The following NCSTN variants were observed in gnomAD, a reference collection of about 807,000 sequenced individuals.
NCSTN encodes nicastrin, also known as anterior pharynx-defective 2.
In NCSTN, 22 loss-of-function variants were observed where a neutral mutation model predicts 87.0. That is an observed-to-expected ratio of 0.25 (90% CI 0.18 to 0.36). NCSTN has a LOEUF of 0.36. NCSTN is among the 10% of genes least tolerant of loss of function. The probability of loss-of-function intolerance (pLI) is 1.00; values close to 1 mark genes in which losing one functional copy is unlikely to be tolerated. For missense variants in NCSTN, 693 were observed against 883.3 expected (o/e 0.78, Z 2.73); for synonymous variants, 306 against 327.1 (o/e 0.94, Z 0.69).
intron 11 of NCSTN, 21 bp downstream of exon 11, chr1:160,354,311 C>T (rs371949644): frequency 6.2e-6 from 10 of 1,609,314 alleles, no homozygotes; most frequent in Non-Finnish European, 8.5e-6. Flanking sequence ...CTTGGCCCTG[C>T]ACCCTCTTCA....
rs201978265 is a variant in NCSTN, at chr1:160,355,641, G to A, written c.1353-14G>A. 3.4e-5 allele frequency: 55 copies of A among 1,599,694 alleles called. 1 individual carries two copies. The South Asian group carries it at 5.5e-4, about 16-fold the overall frequency. On this transcript the variant is annotated splice_polypyrimidine_tract_variant and intron_variant, in intron 11 of 16. Transcript: ENST00000294785. ...GCTAAATGTAGCCAAGGCTCATGCCGGCTTTCCTGGCAGATATTACCAGAG... is the reference window on the plus strand; with the variant it reads ...GCTAAATGTAGCCAAGGCTCATGCCAGCTTTCCTGGCAGATATTACCAGAG...
At chr1:160,351,876 A>G (rs969420360) in intron 7 of NCSTN, 71 bp downstream of exon 7, 2 of 1,480,420 alleles carry the variant, frequency 1.4e-6, no homozygotes, top group African/African-American at 1.4e-5. Flanking sequence ...GCTCTAGCAT[A>G]TCAGATTTCA....
At chr1:160,347,188 G>GATCT (rs1369371354) in intron 2 of NCSTN, among the ~76,000 whole-genome samples, 24 of 152,210 alleles carry the variant, frequency 1.6e-4, no homozygotes, top group African/African-American at 5.1e-4. Flanking sequence ...TCCTCATTAA[G>GATCT]ATCTTGGTTC....
rs199701562 is a variant in NCSTN, at chr1:160,349,125, A to G, written c.314+3A>G. On this transcript the variant is annotated splice_donor_region_variant and intron_variant, in intron 3 of 16. Transcript: ENST00000294785. ...CTGGAGAGCAAGCATTTTACCAGGTAAGAACTAGATGTATCTGCTGGGAAA... is the reference window on the plus strand; with the variant it reads ...CTGGAGAGCAAGCATTTTACCAGGTGAGAACTAGATGTATCTGCTGGGAAA... 38 of 1,614,054 alleles carry G rather than the reference A, an allele frequency of 2.4e-5. No individual in the cohort carries two copies. In the African/African-American group the frequency reaches 4.8e-4, roughly 20 times the overall value.
At chr1:160,347,765 A>G (rs1368588919) in intron 2 of NCSTN, among the ~76,000 whole-genome samples, 1 of 152,148 alleles carries the variant, frequency 6.6e-6, no homozygotes, top group African/African-American at 2.4e-5. Context: ...GTGCACCATC[A>G]CACTTGGCTA....
chr1:160,357,635 A>C (rs1649194720), intron 16 of NCSTN, among the ~76,000 whole-genome samples: 1 of 152,078 alleles, frequency 6.6e-6, no homozygotes, highest in East Asian at 1.9e-4. Context: ...TAAACTCCTG[A>C]CCTCAGGTGA....
At chr1:160,350,319 G>C in intron 5 of NCSTN, 69 bp downstream of exon 5, 1 of 1,578,648 alleles carries the variant, frequency 6.3e-7, no homozygotes. Context: ...AGGTGTGGTG[G>C]TGTGTGCACG....
At chr1:160,357,394 G>T in intron 16 of NCSTN, 141 bp downstream of exon 16, 1 of 914,116 alleles carries the variant, frequency 1.1e-6, no homozygotes, top group African/African-American at 1.6e-5. Flanking sequence ...TGGTCAGCCA[G>T]CATGTTCCCT....
intron 3 of NCSTN, 81 bp from the exon 4 acceptor site, chr1:160,349,468 T>G: frequency 6.4e-7 from 1 of 1,567,456 alleles, no homozygotes; most frequent in African/African-American, 1.4e-5. Flanking sequence ...TAGTTCCCCA[T>G]TTGTTTCCAT....
Position 160,353,981 on chromosome 1 carries a change from G to C in NCSTN, c.1180-137G>C, listed in dbSNP as rs1557887611. On this transcript the variant is annotated intron_variant, in intron 10 of 16. Transcript: ENST00000294785. Reference sequence around the variant, plus strand: ...AGAGAGCCTTGGTCCCAAAAGGCTTGAGGGATAAAGGTCTACTAGAGATAG... The same window carrying C: ...AGAGAGCCTTGGTCCCAAAAGGCTTCAGGGATAAAGGTCTACTAGAGATAG... The C allele has an allele frequency of 5.2e-6, 5 of 965,526 alleles. No individual in the cohort carries two copies. The East Asian group carries it at 1.3e-4, about 25-fold the overall frequency. The allele number at this position is 965,526 out of a possible 1,614,324, so 59.8% of individuals were successfully genotyped here. A position where few individuals can be genotyped will look rare whatever the true frequency, so the allele number is the denominator to read the frequency against.
At position 160,351,129 on chromosome 1, in the gene NCSTN, C is replaced by CG; in HGVS notation, c.583-93_583-92insG. 8 of 1,368,512 alleles carry CG rather than the reference C, an allele frequency of 5.8e-6. No individual in the cohort carries two copies. In the South Asian group the frequency reaches 8.2e-5, roughly 14 times the overall value. The allele number at this position is 1,368,512 out of a possible 1,614,324, so 84.8% of individuals were successfully genotyped here. ...TCTCCGAAAAGGGTGTGGCTCCATC[C>CG]CAAAAGGATGGAACTGGGCCCTCCT... is the stretch of plus-strand genomic sequence containing the variant. On this transcript the variant is annotated intron_variant, in intron 5 of 16. Coordinates refer to ENST00000294785, the MANE Select transcript of NCSTN (RefSeq NM_015331.3).
At chr1:160,350,564 T>G (rs1468449413) in intron 5 of NCSTN, among the ~76,000 whole-genome samples, 1 of 152,114 alleles carries the variant, frequency 6.6e-6, no homozygotes, top group Non-Finnish European at 1.5e-5. Flanking sequence ...ACCAAGACGT[T>G]AGTTCTTCTC....
chr1:160,356,559 T>C (rs1269485632), intron 14 of NCSTN, 41 bp from the exon 15 acceptor site: 1 of 1,612,844 alleles, frequency 6.2e-7, no homozygotes. Flanking sequence ...TCACCCACCA[T>C]CCACCCACCA....
At chr1:160,349,262 A>G (rs1007507265) in intron 3 of NCSTN, 140 bp downstream of exon 3, 7 of 1,240,640 alleles carry the variant, frequency 5.6e-6, no homozygotes, top group Middle Eastern at 4.1e-4. Flanking sequence ...TCAGAAGGAA[A>G]GGTGTACCAT....
intron 4 of NCSTN, 87 bp from the exon 5 acceptor site, chr1:160,350,018 A>G: frequency 6.7e-7 from 1 of 1,503,544 alleles, no homozygotes. Context: ...TCTTAGTCCC[A>G]ACTGAAAGAT....
Position 160,355,974 on chromosome 1 carries a change from C to T in NCSTN, c.1551+16C>T. 1 of 1,593,314 alleles carries T rather than the reference C, an allele frequency of 6.3e-7. No individual in the cohort carries two copies. Among genetic ancestry groups the T allele is most frequent in the Non-Finnish European group, 8.6e-7 (1 of 1,161,522 alleles). On this transcript the variant is annotated intron_variant, in intron 13 of 16. Transcript: ENST00000294785. ...TCCCCAAACGGTAAGCAGATGGGCC[C>T]TAGCTCCTTCTTTCTATTTACACAG...
chr1:160,354,059 A>G, intron 10 of NCSTN, 59 bp from the exon 11 acceptor site: 1 of 1,553,438 alleles, frequency 6.4e-7, no homozygotes, highest in Non-Finnish European at 8.9e-7. Flanking sequence ...GGCCTAAAAG[A>G]GACCTCCTGC....
intron 2 of NCSTN, chr1:160,345,269 G>A (rs887101253): frequency 1.1e-4 from 28 of 254,864 alleles, no homozygotes; most frequent in African/African-American, 5.7e-4. Context: ...CTCGGCTCAC[G>A]GTGACCTCTG....
At position 160,358,736 on chromosome 1, in the gene NCSTN, CTGAGCCTA is replaced by C; in HGVS notation, c.*466_*473del. On this transcript the variant is annotated 3_prime_UTR_variant, in exon 17 of 17. Coordinates refer to ENST00000294785, the MANE Select transcript of NCSTN (RefSeq NM_015331.3). ...CCCTGAGGACAGGGGCATCTCTGGGCTGAGCCTACTGTCTCCTTCCCACTGTCCTTTCT... is the reference window on the plus strand; with the variant it reads ...CCCTGAGGACAGGGGCATCTCTGGGCCTGTCTCCTTCCCACTGTCCTTTCT... 4.5e-6 allele frequency: 1 copy of C among 222,220 alleles called. No homozygotes were observed. Among genetic ancestry groups the C allele is most frequent in the Non-Finnish European group, 9.1e-6 (1 of 109,746 alleles). 13.8% of individuals were successfully genotyped at this position (222,220 alleles called of 1,614,324 possible). A position where few individuals can be genotyped will look rare whatever the true frequency, so the allele number is the denominator to read the frequency against.
Sources: gnomAD v4.1 joint callset for allele counts (sites outside exome capture counted in the v4.1 genomes callset) on GRCh38, gnomAD v4.1.1 for gene constraint, MANE v1.5 for transcripts, NCBI Gene and HGNC (gene_info 2026-07-23, HGNC 2026-07-21) for gene names.